The following CDH8 variants were observed in gnomAD, a reference collection of about 807,000 sequenced individuals.
CDH8 encodes cadherin-8.
In CDH8, 17 loss-of-function variants were observed where a neutral mutation model predicts 68.1. That is an observed-to-expected ratio of 0.25 (90% confidence interval 0.17 to 0.37). The LOEUF is 0.37. CDH8 is among the 10% of genes least tolerant of loss of function. The pLI is 1.00. For synonymous variants in CDH8, 372 were observed against 365.1 expected (o/e 1.02, Z -0.21); for missense variants, 763 against 999.3 (o/e 0.76, Z 3.19).
intron 2 of CDH8, among the ~76,000 whole-genome samples, chr16:62,003,006 C>T (rs1044015749): frequency 6.6e-6 from 1 of 151,960 alleles, no homozygotes; most frequent in Non-Finnish European, 1.5e-5. Flanking sequence ...GAGCAGATAT[C>T]GCACCACTGC....
chr16:61,838,016 G>A (rs879590469), intron 4 of CDH8, among the ~76,000 whole-genome samples: 2 of 152,112 alleles, frequency 1.3e-5, no homozygotes, highest in African/African-American at 2.4e-5. Context: ...TAAACAGAGG[G>A]TTAGTAACAG....
intron 10 of CDH8, among the ~76,000 whole-genome samples, chr16:61,662,294 G>T (rs369043696): frequency 6.6e-6 from 1 of 151,468 alleles, no homozygotes; most frequent in East Asian, 1.9e-4. Context: ...CTGAATCTTA[G>T]CCTGCCCTCT....
intron 10 of CDH8, among the ~76,000 whole-genome samples, chr16:61,662,944 T>A (rs1164146051): frequency 6.6e-6 from 1 of 151,984 alleles, no homozygotes; most frequent in Non-Finnish European, 1.5e-5. Context: ...TACAGATAAA[T>A]AATATACCAA....
At chr16:62,005,952 G>A (rs1965967682) in intron 2 of CDH8, among the ~76,000 whole-genome samples, 1 of 152,106 alleles carries the variant, frequency 6.6e-6, no homozygotes, top group Non-Finnish European at 1.5e-5. Context: ...TTTAGGAGTG[G>A]ATGTCTTAAG....
intron 2 of CDH8, among the ~76,000 whole-genome samples, chr16:61,945,625 G>A (rs1261668574): frequency 3.3e-5 from 5 of 152,070 alleles, no homozygotes; most frequent in African/African-American, 7.2e-5. Context: ...AAGAGCAGAC[G>A]GTTGAGGAGT....
At chr16:61,994,531 G>T (rs1193956086) in intron 2 of CDH8, among the ~76,000 whole-genome samples, 1 of 152,154 alleles carries the variant, frequency 6.6e-6, no homozygotes, top group Non-Finnish European at 1.5e-5. Flanking sequence ...CTAATTGAAT[G>T]TAAAAAGCTT....
intron 3 of CDH8, among the ~76,000 whole-genome samples, chr16:61,858,731 CTCATTGGACT>C (rs1368586910): frequency 2.0e-5 from 3 of 152,098 alleles, no homozygotes; most frequent in African/African-American, 7.2e-5. Flanking sequence ...CAACGAAAGC[CTCATTGGACT>C]CCATAGGGCT....
intron 2 of CDH8, among the ~76,000 whole-genome samples, chr16:61,958,743 A>G (rs953936708): frequency 2.0e-5 from 3 of 152,178 alleles, no homozygotes; most frequent in Admixed American, 1.3e-4. Flanking sequence ...AATAATTACA[A>G]TTGTCACACT....
intron 2 of CDH8, among the ~76,000 whole-genome samples, chr16:61,990,897 A>AGGAAGGAAGGAAAAGGAAGGAG: frequency 6.6e-6 from 1 of 150,984 alleles, no homozygotes; most frequent in South Asian, 2.1e-4. Context: ...AGGAAGGAGA[A>AGGAAGGAAGGAAAAGGAAGGAG]GGAAGGAAGG....
intron 2 of CDH8, among the ~76,000 whole-genome samples, chr16:61,909,136 G>A (rs1964116683): frequency 1.3e-5 from 2 of 152,100 alleles, no homozygotes; most frequent in African/African-American, 2.4e-5. Context: ...TTTATGGCAG[G>A]CAAATGTGTA....
At chr16:61,744,066 C>T (rs980046003) in intron 8 of CDH8, among the ~76,000 whole-genome samples, 8 of 152,000 alleles carry the variant, frequency 5.3e-5, no homozygotes, top group Non-Finnish European at 7.4e-5. Context: ...AGTTTTTGGC[C>T]ATTTGGGGTC....
intron 8 of CDH8, among the ~76,000 whole-genome samples, chr16:61,748,337 C>G (rs955919674): frequency 2.0e-5 from 3 of 151,936 alleles, no homozygotes; most frequent in African/African-American, 7.2e-5. Flanking sequence ...CATGATTATT[C>G]TCTCATAAAC....
At chr16:62,019,221 C>T (rs1351824813) in intron 2 of CDH8, among the ~76,000 whole-genome samples, 1 of 152,170 alleles carries the variant, frequency 6.6e-6, no homozygotes. Context: ...ATGTAAAGAC[C>T]TTACATTCTA....
At chr16:61,689,448 T>C (rs1206738329) in intron 10 of CDH8, among the ~76,000 whole-genome samples, 2 of 151,948 alleles carry the variant, frequency 1.3e-5, no homozygotes, top group Non-Finnish European at 2.9e-5. Flanking sequence ...CTCTTCTAAG[T>C]TGCTCCAGCC....
At chr16:61,769,263 TAAAG>T (rs1960717172) in intron 8 of CDH8, among the ~76,000 whole-genome samples, 1 of 151,846 alleles carries the variant, frequency 6.6e-6, no homozygotes, top group African/African-American at 2.4e-5. Flanking sequence ...ATTATGGTCT[TAAAG>T]AATAAAAGTC....
chr16:61,701,226 T>A (rs1964423236), intron 10 of CDH8, among the ~76,000 whole-genome samples: 2 of 152,196 alleles, frequency 1.3e-5, no homozygotes, highest in Non-Finnish European at 2.9e-5. Flanking sequence ...GTCCCTACTT[T>A]GTTCTCTATG....
At chr16:61,720,178 GT>G in intron 9 of CDH8, among the ~76,000 whole-genome samples, 1 of 150,914 alleles carries the variant, frequency 6.6e-6, no homozygotes, top group Middle Eastern at 3.4e-3. Flanking sequence ...TAGCTTAATG[GT>G]TACAGCCATG....
At chr16:61,789,262 A>G (rs1567471424) in intron 8 of CDH8, 84 bp downstream of exon 8, 1 of 1,287,458 alleles carries the variant, frequency 7.8e-7, no homozygotes, top group Non-Finnish European at 1.1e-6. Context: ...ACCTAACAGA[A>G]ACAGGGGCTG....
intron 2 of CDH8, 113 bp from the exon 3 acceptor site, chr16:61,901,586 T>A (rs1241494094): frequency 1.5e-6 from 1 of 683,726 alleles, no homozygotes; most frequent in Non-Finnish European, 2.5e-6. Flanking sequence ...CATCAATTTC[T>A]GCTAATAGTA....
Sources: allele counts gnomAD v4.1 joint callset (sites outside exome capture counted in the v4.1 genomes callset), GRCh38; gene constraint gnomAD v4.1.1; transcripts MANE v1.5; gene names NCBI Gene and HGNC (gene_info 2026-07-23, HGNC 2026-07-21).